CCT2: variants seen among roughly 807,000 people sequenced by gnomAD.
CCT2 encodes the protein chaperonin containing TCP1 subunit 2.
In CCT2, 18 loss-of-function variants were observed where a neutral mutation model predicts 61.8. That is an observed-to-expected ratio of 0.29 (90% CI 0.20 to 0.43). CCT2 has a LOEUF of 0.43. CCT2 is among the 20% of genes least tolerant of loss of function. The pLI, the probability that CCT2 is intolerant of heterozygous loss-of-function variation, is 1.00. For missense variants in CCT2, 556 were observed against 656.9 expected (o/e 0.85, Z 1.68); for synonymous variants, 248 against 215.9 (o/e 1.15, Z -1.30).
intron 15 of CCT2, 43 bp from the exon 16 acceptor site, chr12:69,601,252 T>A: frequency 2.7e-6 from 4 of 1,482,178 alleles, no homozygotes; most frequent in Non-Finnish European, 3.7e-6. Flanking sequence ...GATAAAATCA[T>A]GCTCTTCATT....
chr12:69,600,894 A>C (rs980254913), intron 15 of CCT2, among the ~76,000 whole-genome samples: 1 of 152,200 alleles, frequency 6.6e-6, no homozygotes, highest in Non-Finnish European at 1.5e-5. Flanking sequence ...TATGGTCATC[A>C]AAGAATAAAA....
At chr12:69,585,771 GC>G in intron 1 of CCT2, 1 of 1,402,760 alleles carries the variant, frequency 7.1e-7, no homozygotes, top group Admixed American at 3.0e-5. Flanking sequence ...AGTCCCGGCA[GC>G]CCAGGTCCGC....
At chr12:69,594,365 A>G (rs1881925721) in intron 10 of CCT2, among the ~76,000 whole-genome samples, 1 of 152,210 alleles carries the variant, frequency 6.6e-6, no homozygotes, top group Admixed American at 6.5e-5. Flanking sequence ...AGAGTGGGTC[A>G]AGTACTGAAA....
chr12:69,601,291 A>T lies in CCT2; in HGVS notation c.1578-4A>T. 6.3e-7 allele frequency: 1 copy of T among 1,597,128 alleles called. No individual in the cohort carries two copies. Among genetic ancestry groups the T allele is most frequent in the African/African-American group, 1.4e-5 (1 of 73,874 alleles). ...CACTATTGACTTTTTTCTTACTCTC[A>T]TAGGAAACGTGTCCCTGATCACCAC... On this transcript the variant is annotated splice_polypyrimidine_tract_variant and splice_region_variant and intron_variant, in intron 15 of 15. Coordinates refer to ENST00000299300, the MANE Select transcript of CCT2 (RefSeq NM_006431.3).
At chr12:69,589,316 A>C in intron 6 of CCT2, 169 bp from the exon 7 acceptor site, 1 of 596,938 alleles carries the variant, frequency 1.7e-6, no homozygotes, top group Non-Finnish European at 2.9e-6. Context: ...TTTGGTGGGG[A>C]AAATAACATC....
At chr12:69,591,658 T>C (rs1226672324) in intron 7 of CCT2, among the ~76,000 whole-genome samples, 1 of 152,256 alleles carries the variant, frequency 6.6e-6, no homozygotes, top group Admixed American at 6.5e-5. Context: ...TTATATTTTC[T>C]GTTTCATATT....
At chr12:69,590,384 A>G (rs1017455515) in intron 7 of CCT2, among the ~76,000 whole-genome samples, 2 of 152,178 alleles carry the variant, frequency 1.3e-5, no homozygotes, top group African/African-American at 4.8e-5. Context: ...ATAATTATGT[A>G]TGTTTATAGG....
rs763520566 is a variant in CCT2, at chr12:69,593,500, T to G, written c.879-10T>G. 133 of 1,558,706 alleles carry G rather than the reference T, an allele frequency of 8.5e-5. No homozygotes were observed. Among genetic ancestry groups the G allele is most frequent in the Non-Finnish European group, 7.1e-6 (8 of 1,133,402 alleles). On this transcript the variant is annotated splice_polypyrimidine_tract_variant and intron_variant, in intron 9 of 15. Transcript: ENST00000299300. ...TGTGAGCATAATGTTTTCATGTATT[T>G]TATTTACAGGCAATTAATTTATAAT...
intron 10 of CCT2, among the ~76,000 whole-genome samples, chr12:69,594,611 C>T (rs913291435): frequency 1.3e-5 from 2 of 152,176 alleles, no homozygotes; most frequent in Non-Finnish European, 2.9e-5. Flanking sequence ...AATCCCAGTG[C>T]TTTGAGAGGC....
chr12:69,598,578 T>G (rs968080356), intron 14 of CCT2, among the ~76,000 whole-genome samples, 157 bp downstream of exon 14: 1 of 152,366 alleles, frequency 6.6e-6, no homozygotes, highest in African/African-American at 2.4e-5. Context: ...AAAATGTGTG[T>G]GACTTTATAT....
chr12:69,599,377 C>T (rs573544106), intron 14 of CCT2, among the ~76,000 whole-genome samples: 4 of 151,782 alleles, frequency 2.6e-5, no homozygotes, highest in African/African-American at 7.2e-5. Context: ...CTGATCCTGG[C>T]CCCTTTTATT....
At chr12:69,598,446 G>A in intron 14 of CCT2, 25 bp downstream of exon 14, 2 of 1,448,762 alleles carry the variant, frequency 1.4e-6, no homozygotes, top group East Asian at 2.4e-5. Flanking sequence ...GGAACTTTGT[G>A]GCCGTTGTTA....
Position 69,593,059 on chromosome 12 carries a change from A to G in CCT2, c.834A>G (p.Lys278=), listed in dbSNP as rs773661302. 4 of 1,613,690 alleles carry G rather than the reference A, an allele frequency of 2.5e-6. No individual in the cohort carries two copies. Among genetic ancestry groups the G allele is most frequent in the African/African-American group, 2.7e-5 (2 of 75,042 alleles). Residue 278 remains lysine, a synonymous_variant, in exon 9 of 16, where the codon AAA becomes AAG. Transcript: ENST00000299300. The stretch of plus-strand genomic sequence containing the variant: ...CGGAAAAGGAAAAAATGAAGGAGAA[A>G]GTTGAACGTATTCTTAAGCATGGAA... ...EHAEKEKMKE[K]VERILKHGIN...
chr12:69,588,995 T>C (rs1192459932), intron 6 of CCT2, among the ~76,000 whole-genome samples: 22 of 152,222 alleles, frequency 1.4e-4, no homozygotes, highest in African/African-American at 2.4e-5. Flanking sequence ...GTGGCACGAC[T>C]TCGGCTGACT....
chr12:69,595,931 G>T (rs1478132115), intron 10 of CCT2, among the ~76,000 whole-genome samples: 1 of 152,158 alleles, frequency 6.6e-6, no homozygotes, highest in Non-Finnish European at 1.5e-5. Context: ...CTTGCACTGG[G>T]CATGGTGGCA....
intron 7 of CCT2, among the ~76,000 whole-genome samples, chr12:69,590,145 C>T (rs1045347105): frequency 2.6e-5 from 4 of 152,082 alleles, no homozygotes; most frequent in East Asian, 3.9e-4. Flanking sequence ...CCTTTGTGTC[C>T]GTGGTTTGCA....
intron 14 of CCT2, among the ~76,000 whole-genome samples, chr12:69,599,536 C>T (rs1882088463): frequency 6.6e-6 from 1 of 151,914 alleles, no homozygotes; most frequent in Admixed American, 6.6e-5. Flanking sequence ...TACAGGTGCC[C>T]ACCACCATGC....
Position 69,593,067 on chromosome 12 carries a change from G to T in CCT2, c.842G>T (p.Arg281Leu). ...GAAAAAATGAAGGAGAAAGTTGAAC[G>T]TATTCTTAAGCATGGAATAAATTGC... ...EKEKMKEKVERILKHGINCFI... is the reference protein window; with the variant it reads ...EKEKMKEKVELILKHGINCFI... Residue 281 changes from arginine (R) to leucine (L), a missense_variant, in exon 9 of 16, where the codon CGT (arginine) becomes CTT (leucine). By Grantham distance (102) the Arg-to-Leu change is moderately radical (BLOSUM62 -2). Coordinates refer to ENST00000299300, the MANE Select transcript of CCT2 (RefSeq NM_006431.3). 6.2e-7 allele frequency: 1 copy of T among 1,613,236 alleles called. No homozygotes were observed. Among genetic ancestry groups the T allele is most frequent in the South Asian group, 1.1e-5 (1 of 91,052 alleles).
In CCT2 at chr12:69,585,512, C is replaced by T; in HGVS notation, c.-10C>T. ...AGGGGATTCACTTGTGTGCGGAACT[C>T]CTCGGAACCATGGTGAGCCTGACTC... On this transcript the variant is annotated 5_prime_UTR_variant, in exon 1 of 16. Coordinates refer to ENST00000299300, the MANE Select transcript of CCT2 (RefSeq NM_006431.3). 1.3e-6 allele frequency: 2 copies of T among 1,567,846 alleles called. No homozygotes were observed.
Sources: gnomAD v4.1 joint callset for allele counts (sites outside exome capture counted in the v4.1 genomes callset) on GRCh38, gnomAD v4.1.1 for gene constraint, MANE v1.5 for transcripts, NCBI Gene and HGNC (gene_info 2026-07-23, HGNC 2026-07-21) for gene names.